The following NCAN variants were observed in gnomAD, a reference collection of about 807,000 sequenced individuals.
The protein encoded by NCAN is neurocan core protein.
NCAN carries 47 observed loss-of-function variants against 121.8 expected under a neutral mutation model. That is an observed-to-expected ratio of 0.39 (90% confidence interval 0.31 to 0.49). The LOEUF is 0.49. Ranked by LOEUF, NCAN falls within the 20% of genes least tolerant of loss-of-function variation. NCAN has a pLI of 0.92. For synonymous variants in NCAN, 633 were observed against 702.0 expected (o/e 0.90, Z 1.55); for missense variants, 1,517 against 1,773.4 (o/e 0.86, Z 2.60).
At chr19:19,247,212 A>AGTAGCTG (rs1380000237) in intron 13 of NCAN, among the ~76,000 whole-genome samples, 1 of 151,844 alleles carries the variant, frequency 6.6e-6, no homozygotes. Flanking sequence ...CAGTCTTACC[A>AGTAGCTG]GTAGCTGGAC....
intron 10 of NCAN, among the ~76,000 whole-genome samples, chr19:19,237,419 G>A (rs1182670706): frequency 2.0e-5 from 3 of 151,654 alleles, no homozygotes; most frequent in South Asian, 2.1e-4. Context: ...AACCTGGGAG[G>A]TGGTGTCTAC....
Position 19,227,794 on chromosome 19 carries a change from G to T in NCAN, c.2174G>T (p.Ser725Ile). Residue 725 changes from serine (S) to isoleucine (I), a missense_variant, in exon 8 of 15, where the codon AGC (serine) becomes ATC (isoleucine). Transcript: ENST00000252575. The surrounding 1 kb of genome is among the most constrained non-coding windows in gnomAD (Gnocchi z 4.2). The part of the protein sequence containing the change: ...QVNKAEHSSS[S>I]PWPSVNRNVA... ...AACAAAGCTGAGCACTCCAGCTCCA[G>T]CCCATGGCCTTCTGTAAACAGGAAT... 1 of 1,613,664 alleles carries T rather than the reference G, an allele frequency of 6.2e-7. No homozygotes were observed. The highest frequency in any genetic ancestry group is 1.3e-5 in the African/African-American group (1 of 75,054).
In NCAN at chr19:19,220,450, C is replaced by CTTTTT. The variant is rs71170607; in HGVS notation, c.475+1154_475+1158dup. Among the ~76,000 whole-genome samples, 99 of 72,692 alleles carry CTTTTT rather than the reference C, an allele frequency of 1.4e-3. 3 individuals are homozygous for CTTTTT. Among genetic ancestry groups the CTTTTT allele is most frequent in the African/African-American group, 3.2e-3 (53 of 16,616 alleles). The allele number at this position is 72,692 out of a possible 152,430, so 47.7% of individuals were successfully genotyped here. On this transcript the variant is annotated intron_variant, in intron 3 of 14. Transcript: ENST00000252575. ...TTCTCAAATACCTGTTTAGGCAATT[C>CTTTTT]TTTTTTTTTTTTTTTTTTTTTTTTG...
In NCAN at chr19:19,245,546, T is replaced by G; in HGVS notation, c.3637+89T>G. On this transcript the variant is annotated intron_variant, in intron 13 of 14. Transcript: ENST00000252575. ...AGGCTGGAGTGCAGTGGCATAATCA[T>G]GGCTCATCACAGCCTCCACCGCCTG... The G allele has an allele frequency of 2.7e-6, 4 of 1,469,342 alleles. No individual in the cohort carries two copies. The South Asian group carries it at 5.2e-5, about 19-fold the overall frequency. 91.0% of individuals were successfully genotyped at this position (1,469,342 alleles called of 1,614,324 possible).
chr19:19,223,207 C>T lies in NCAN; in HGVS notation c.476-814C>T, dbSNP rs577130645. ...ATTGCTGCCTGTGCTTCCCTATTAG[C>T]GCATGCACTTAATTCCTAAAAGGCA... On this transcript the variant is annotated intron_variant, in intron 3 of 14. Coordinates refer to ENST00000252575, the MANE Select transcript of NCAN (RefSeq NM_004386.3). Among the ~76,000 whole-genome samples the T allele has an allele frequency of 9.9e-5, 15 of 152,194 alleles. No homozygotes were observed. The East Asian group carries it at 1.4e-3, about 14-fold the overall frequency.
At chr19:19,240,006 C>T (rs887405510) in intron 11 of NCAN, among the ~76,000 whole-genome samples, 5 of 128,542 alleles carry the variant, frequency 3.9e-5, no homozygotes, top group South Asian at 5.7e-4. Context: ...CCACTCCTCC[C>T]CCTCCTTCTT....
rs777390337 is a variant in NCAN, at chr19:19,227,837, C to G, written c.2217C>G (p.Val739=). Residue 739 remains valine (V), a synonymous_variant, in exon 8 of 15, where the codon GTC becomes GTG. Transcript: ENST00000252575. The surrounding 1 kb of genome is among the most constrained non-coding windows in gnomAD (Gnocchi z 4.2). ...ACAGGAATGTGGCTGTAGGTTTTGTCCCCACTGAGACTGCCACTGAGCCAA... is the reference window on the plus strand; with the variant it reads ...ACAGGAATGTGGCTGTAGGTTTTGTGCCCACTGAGACTGCCACTGAGCCAA... ...SVNRNVAVGF[V]PTETATEPTG... is the part of the protein sequence containing the mutation. 1.8e-5 allele frequency: 29 copies of G among 1,613,526 alleles called. No individual in the cohort carries two copies. Among genetic ancestry groups the G allele is most frequent in the Non-Finnish European group, 2.1e-5 (25 of 1,180,016 alleles).
At chr19:19,238,508 C>T (rs2060890397) in intron 11 of NCAN, 97 bp downstream of exon 11, 4 of 1,440,550 alleles carry the variant, frequency 2.8e-6, no homozygotes, top group Non-Finnish European at 3.9e-6. Flanking sequence ...CCCTGGTTTT[C>T]AAGACGTCAT....
Position 19,238,423 on chromosome 19 carries a change from G to T in NCAN, c.3409+12G>T. The T allele has an allele frequency of 6.2e-7, 1 of 1,613,966 alleles. No individual in the cohort carries two copies. The highest frequency in any genetic ancestry group is 8.5e-7 in the Non-Finnish European group (1 of 1,180,004). On this transcript the variant is annotated intron_variant, in intron 11 of 14. Transcript: ENST00000252575. ...CAGCTTCATTAATAGTAGGGGCTCT[G>T]GGGAGGGGGCCACCTGCCTGGAGGG...
At position 19,212,569 on chromosome 19, in the gene NCAN, A is replaced by G. The variant is rs989105742; in HGVS notation, c.-8+505A>G. 6.6e-6 allele frequency among the ~76,000 whole-genome samples: 1 copy of G among 152,138 alleles called. No homozygotes were observed. The highest frequency in any genetic ancestry group is 1.5e-5 in the Non-Finnish European group (1 of 68,002). ...CCCAGATCACCCTGTGCCCAATGGA[A>G]GGGTATCTGCGCTGAGAGCGAACGG... On this transcript the variant is annotated intron_variant, in intron 1 of 14. Transcript: ENST00000252575. The surrounding 1 kb of genome is among the most constrained non-coding windows in gnomAD (Gnocchi z 4.5).
At chr19:19,226,452 G>A in intron 6 of NCAN, 34 bp from the exon 7 acceptor site, 1 of 1,506,118 alleles carries the variant, frequency 6.6e-7, no homozygotes, top group Non-Finnish European at 9.0e-7. Flanking sequence ...GCAACCCCTG[G>A]GCCTAACACA....
In NCAN at chr19:19,234,024, C is replaced by G. The variant is rs960441095; in HGVS notation, c.3136+119C>G. 13 of 650,158 alleles carry G rather than the reference C, an allele frequency of 2.0e-5. No homozygotes were observed. In the African/African-American group the frequency reaches 2.2e-4, roughly 11 times the overall value. 40.3% of individuals were successfully genotyped at this position (650,158 alleles called of 1,614,324 possible). A position where few individuals can be genotyped will look rare whatever the true frequency, so the allele number is the denominator to read the frequency against. On this transcript the variant is annotated intron_variant, in intron 9 of 14. Coordinates refer to ENST00000252575, the MANE Select transcript of NCAN (RefSeq NM_004386.3). Reference sequence around the variant, plus strand: ...TCACAAAAAGCTGGTTTCAGATGCTCCATTCCCAAACCCCACTCCTTGCAT... The same window carrying G: ...TCACAAAAAGCTGGTTTCAGATGCTGCATTCCCAAACCCCACTCCTTGCAT...
chr19:19,226,720 C>A lies in NCAN; in HGVS notation c.1307C>A (p.Pro436His). The change falls in exon 7 of 15, where the codon CCC becomes CAC. Residue 436 changes from proline (P) to histidine (H), a missense_variant. Coordinates refer to ENST00000252575, the MANE Select transcript of NCAN (RefSeq NM_004386.3). ...QQTLSPTPGD[P>H]MLASWPTGEV... The stretch of plus-strand genomic sequence containing the variant: ...ACCCTCAGCCCTACCCCTGGGGACC[C>A]CATGCTGGCCTCATGGCCCACTGGG... 2 of 1,612,250 alleles carry A rather than the reference C, an allele frequency of 1.2e-6. No homozygotes were observed. The highest frequency in any genetic ancestry group is 1.7e-6 in the Non-Finnish European group (2 of 1,178,816).
chr19:19,221,516 CGA>C (rs575414952), intron 3 of NCAN, among the ~76,000 whole-genome samples: 387 of 151,802 alleles, frequency 2.5e-3, no homozygotes, highest in Non-Finnish European at 4.7e-3. Context: ...TGAGGTGAGC[CGA>C]GATTGTGCTA....
intron 11 of NCAN, 109 bp from the exon 12 acceptor site, chr19:19,240,494 G>A (rs2060899406): frequency 5.1e-6 from 5 of 989,570 alleles, no homozygotes; most frequent in South Asian, 1.3e-5. Flanking sequence ...GGCTGGGGAA[G>A]GTGAGGAATT....
chr19:19,245,953 G>C (rs1388415598), intron 13 of NCAN, among the ~76,000 whole-genome samples: 1 of 152,126 alleles, frequency 6.6e-6, no homozygotes, highest in Non-Finnish European at 1.5e-5. Flanking sequence ...CGCTCGGGGT[G>C]GCTCATGCCT....
At chr19:19,220,148 TTTTG>T (rs1310701824) in intron 3 of NCAN, among the ~76,000 whole-genome samples, 1 of 151,944 alleles carries the variant, frequency 6.6e-6, no homozygotes, top group Non-Finnish European at 1.5e-5. Flanking sequence ...TAGGCAGGAT[TTTTG>T]TTTGTTTGTT....
Position 19,226,963 on chromosome 19 carries a change from T to G in NCAN, c.1550T>G (p.Val517Gly), listed in dbSNP as rs755493058. 9.7e-6 allele frequency: 15 copies of G among 1,551,256 alleles called. No individual in the cohort carries two copies. The Admixed American group carries it at 2.8e-4, about 29-fold the overall frequency. The change falls in exon 7 of 15, where the codon GTG (valine) becomes GGG (glycine). Residue 517 changes from valine to glycine, a missense_variant. Coordinates refer to ENST00000252575, the MANE Select transcript of NCAN (RefSeq NM_004386.3). ...CAGCCCCCCACCTCAGAGGCTGCAG[T>G]GAACCAAATGGAGCCTCCGTTGGCC... is the stretch of plus-strand genomic sequence containing the variant. ...SAQPPTSEAA[V>G]NQMEPPLAMA...
rs901851243 is a variant in NCAN at position 19,226,587 on chromosome 19, C to A, written c.1174C>A (p.Pro392Thr). ...AEGPPVRELE[P>T]TLEEEEVVTP... ...GGGGCCCCCAGTTAGAGAACTGGAG[C>A]CCACCCTGGAGGAGGAAGAGGTGGT... is the stretch of plus-strand genomic sequence containing the variant. The change falls in exon 7 of 15, where the codon CCC (proline) becomes ACC (threonine). Residue 392 changes from proline to threonine, a missense_variant. Pro to Thr is a conservative substitution (Grantham distance 38). Coordinates refer to ENST00000252575, the MANE Select transcript of NCAN (RefSeq NM_004386.3). 6.2e-7 allele frequency: 1 copy of A among 1,613,796 alleles called. No homozygotes were observed. The highest frequency in any genetic ancestry group is 8.5e-7 in the Non-Finnish European group (1 of 1,179,942).
Sources: allele counts gnomAD v4.1 joint callset (sites outside exome capture counted in the v4.1 genomes callset), GRCh38; gene constraint gnomAD v4.1.1; non-coding constraint Gnocchi (gnomAD v3.1); transcripts MANE v1.5; gene names NCBI Gene and HGNC (gene_info 2026-07-23, HGNC 2026-07-21).